Variants in SLC25A40 observed in about 807,000 individuals in gnomAD.
SLC25A40 encodes the protein solute carrier family 25 member 40.
A neutral mutation model predicts 46.5 loss-of-function variants in SLC25A40; 41 were observed. That is an observed-to-expected ratio of 0.88 (90% CI 0.69 to 1.14). The LOEUF (loss-of-function observed/expected upper bound fraction) is 1.14, where lower values mean the gene tolerates loss of function less well. Among genes scored for constraint, SLC25A40 ranks in the 50% most tolerant of loss-of-function variants. SLC25A40 has a pLI of 0.00. For synonymous variants in SLC25A40, 126 were observed against 127.5 expected, an observed-to-expected ratio of 0.99 and a Z score of 0.08; for missense variants, 386 against 393.6, an observed-to-expected ratio of 0.98 and a Z score of 0.16.
At chr7:87,859,828 A>G (rs1425732015) in intron 2 of SLC25A40, among the ~76,000 whole-genome samples, 1 of 151,990 alleles carries the variant, frequency 6.6e-6, no homozygotes, top group Non-Finnish European at 1.5e-5. Context: ...TTATACATAC[A>G]TATATATATT....
intron 1 of SLC25A40, among the ~76,000 whole-genome samples, chr7:87,862,455 A>C (rs1159363831): frequency 6.6e-6 from 1 of 152,190 alleles, no homozygotes; most frequent in South Asian, 2.1e-4. Context: ...TCCAACATGA[A>C]AAACCCATGA....
At position 87,854,252 on chromosome 7, in the gene SLC25A40, T is replaced by C; in HGVS notation, c.216A>G (p.Gly72=). The C allele has an allele frequency of 5.6e-6, 9 of 1,613,434 alleles. No homozygotes were observed. Among genetic ancestry groups the C allele is most frequent in the Non-Finnish European group, 7.6e-6 (9 of 1,179,574 alleles). Residue 72 remains glycine (G), a synonymous_variant, in exon 5 of 12, where the codon GGA becomes GGG. Coordinates refer to ENST00000341119, the MANE Select transcript of SLC25A40 (RefSeq NM_018843.4). ...LMDHLCVCEE[G]GNKLWYKKPG... is the part of the protein sequence containing the mutation. ...GCTTCTTATACCATAGTTTGTTGCCTCCCTCTTCACAGACACATAGATGAT... is the reference window on the plus strand; with the variant it reads ...GCTTCTTATACCATAGTTTGTTGCCCCCCTCTTCACAGACACATAGATGAT...
chr7:87,839,654 G>A (rs537016016), intron 10 of SLC25A40, among the ~76,000 whole-genome samples: 2 of 151,752 alleles, frequency 1.3e-5, no homozygotes, highest in African/African-American at 4.8e-5. Flanking sequence ...ACATGCTAAC[G>A]TGCTTCTGAA....
Position 87,849,911 on chromosome 7 carries a change from T to C in SLC25A40, c.302A>G (p.Lys101Arg), listed in dbSNP as rs770020466. Residue 101 changes from lysine (K) to arginine (R), a missense_variant, in exon 6 of 12, where the codon AAA becomes AGA. Physicochemically the swap from Lys to Arg is conservative, Grantham distance 26 (BLOSUM62 2). Transcript: ENST00000341119. The stretch of plus-strand genomic sequence containing the variant: ...AGGAGGAAGGCCACTCCATAGAGAT[T>C]TAATGCCCTCATTTCGAATGATTTT... ...FFKIIRNEGI[K>R]SLWSGLPPTL... 6.2e-7 allele frequency: 1 copy of C among 1,601,978 alleles called. No individual in the cohort carries two copies. Among genetic ancestry groups the C allele is most frequent in the South Asian group, 1.1e-5 (1 of 87,678 alleles).
At chr7:87,864,581 T>C (rs1171558589) in intron 1 of SLC25A40, among the ~76,000 whole-genome samples, 1 of 152,208 alleles carries the variant, frequency 6.6e-6, no homozygotes, top group Non-Finnish European at 1.5e-5. Context: ...CTTTGTCTCT[T>C]TTTACAGTCT....
chr7:87,837,147 G>C (rs1838268537), intron 10 of SLC25A40: 1 of 152,238 alleles, frequency 6.6e-6, no homozygotes, highest in Admixed American at 6.6e-5. Context: ...TTTTCATAAT[G>C]AAATTTTTAA....
At position 87,836,061 on chromosome 7, in the gene SLC25A40, A is replaced by G. The variant is rs980719546; in HGVS notation, c.*188T>C. The G allele has an allele frequency of 2.2e-6, 1 of 449,868 alleles. No individual in the cohort carries two copies. Among genetic ancestry groups the G allele is most frequent in the Non-Finnish European group, 3.9e-6 (1 of 256,910 alleles). The allele number at this position is 449,868 out of a possible 1,614,324, so 27.9% of individuals were successfully genotyped here. ...GGTGATTTCTAGAATATCTTTTTCA[A>G]TATCACCAAAAATAAGATAAAATTT... On this transcript the variant is annotated 3_prime_UTR_variant, in exon 12 of 12. Coordinates refer to ENST00000341119, the MANE Select transcript of SLC25A40 (RefSeq NM_018843.4).
chr7:87,862,473 T>C (rs766751595), intron 1 of SLC25A40, among the ~76,000 whole-genome samples: 5 of 152,170 alleles, frequency 3.3e-5, no homozygotes, highest in Non-Finnish European at 7.4e-5. Context: ...TGAGCCCTTC[T>C]TGAGAAACAA....
intron 1 of SLC25A40, among the ~76,000 whole-genome samples, chr7:87,868,569 T>C (rs1210179688): frequency 1.3e-5 from 2 of 152,202 alleles, no homozygotes; most frequent in Non-Finnish European, 2.9e-5. Flanking sequence ...TCTTTGGGTT[T>C]GAACAATTTG....
chr7:87,851,908 CAG>C (rs1017877812), intron 5 of SLC25A40, among the ~76,000 whole-genome samples: 1 of 152,062 alleles, frequency 6.6e-6, no homozygotes, highest in African/African-American at 2.4e-5. Context: ...AAAGGCAAAA[CAG>C]AAATAGAAAA....
chr7:87,869,493 C>T (rs1838861215), intron 1 of SLC25A40, among the ~76,000 whole-genome samples: 1 of 151,244 alleles, frequency 6.6e-6, no homozygotes, highest in Non-Finnish European at 1.5e-5. Context: ...CATGCTATTG[C>T]ATGCCAGCCT....
intron 8 of SLC25A40, among the ~76,000 whole-genome samples, chr7:87,846,036 T>C (rs938347435): frequency 9.2e-5 from 14 of 152,186 alleles, no homozygotes; most frequent in African/African-American, 3.4e-4. Flanking sequence ...AAAATTTTCA[T>C]AGCAGCACTG....
At chr7:87,864,298 T>C (rs894620264) in intron 1 of SLC25A40, among the ~76,000 whole-genome samples, 40 of 152,262 alleles carry the variant, frequency 2.6e-4, no homozygotes, top group African/African-American at 9.6e-4. Context: ...TAAAGTCAAA[T>C]CAGTGTACTT....
intron 2 of SLC25A40, chr7:87,860,305 T>C (rs1417669410): frequency 6.6e-6 from 1 of 152,208 alleles, no homozygotes; most frequent in African/African-American, 2.4e-5. Context: ...TTCCTACTTA[T>C]CCATGACTTA....
At chr7:87,875,317 C>T (rs537165304) in intron 1 of SLC25A40, among the ~76,000 whole-genome samples, 140 of 152,272 alleles carry the variant, frequency 9.2e-4, no homozygotes, top group Middle Eastern at 3.4e-3. Flanking sequence ...TGTCTAAAAC[C>T]AAACTCTCAT....
chr7:87,853,965 A>G (rs1274792056), intron 5 of SLC25A40, among the ~76,000 whole-genome samples: 1 of 152,220 alleles, frequency 6.6e-6, no homozygotes, highest in African/African-American at 2.4e-5. Context: ...CTGTCTGTAT[A>G]TATTTTTTTC....
chr7:87,871,999 G>A (rs922909112), intron 1 of SLC25A40, among the ~76,000 whole-genome samples: 1 of 152,108 alleles, frequency 6.6e-6, no homozygotes, highest in African/African-American at 2.4e-5. Context: ...AACATCCATT[G>A]GTTCTGTAGT....
At chr7:87,849,079 ATTAGAAT>A (rs1838466999) in intron 6 of SLC25A40, among the ~76,000 whole-genome samples, 1 of 152,196 alleles carries the variant, frequency 6.6e-6, no homozygotes, top group Non-Finnish European at 1.5e-5. Flanking sequence ...GCAGTAGACA[ATTAGAAT>A]TACCTGGAGA....
intron 10 of SLC25A40, among the ~76,000 whole-genome samples, chr7:87,841,159 GTATA>G (rs376277104): frequency 1.7e-4 from 23 of 137,706 alleles, no homozygotes; most frequent in East Asian, 1.2e-3. Flanking sequence ...GTGTGTGTGT[GTATA>G]TATATATATA....
Sources: gnomAD v4.1 joint callset for allele counts (sites outside exome capture counted in the v4.1 genomes callset) on GRCh38, gnomAD v4.1.1 for gene constraint, MANE v1.5 for transcripts, NCBI Gene and HGNC (gene_info 2026-07-23, HGNC 2026-07-21) for gene names.